PCDHGA4: variants seen among roughly 807,000 people sequenced by gnomAD.
The protein encoded by PCDHGA4 is protocadherin gamma subfamily A, 4.
PCDHGA4 carries 38 observed loss-of-function variants against 54.6 expected under a neutral mutation model. That is an observed-to-expected ratio of 0.70 (90% CI 0.54 to 0.91). The LOEUF is 0.91. Among genes scored for constraint, PCDHGA4 ranks in the 40% least tolerant of loss-of-function variants. The pLI is 0.00. For synonymous variants in PCDHGA4, 511 were observed against 512.9 expected, an observed-to-expected ratio of 1.00 and a Z score of 0.05; for missense variants, 1,298 against 1,220.9, an observed-to-expected ratio of 1.06 and a Z score of -0.94.
In PCDHGA4 at chr5:141,388,623, T is replaced by C. The variant is rs767536532; in HGVS notation, c.2514+31002T>C. On this transcript the variant is annotated intron_variant, in intron 1 of 3. Transcript: ENST00000571252. Reference sequence around the variant, plus strand: ...TGCTCCAGTGTTCAGTCAAGACGTATACAGGGTGAGCCTTTCAGAAAACGT... The same window carrying C: ...TGCTCCAGTGTTCAGTCAAGACGTACACAGGGTGAGCCTTTCAGAAAACGT... 3.6e-5 allele frequency: 58 copies of C among 1,613,846 alleles called. No individual in the cohort carries two copies. The highest frequency in any genetic ancestry group is 4.8e-5 in the Non-Finnish European group (57 of 1,179,886).
chr5:141,418,767 C>T (rs770275597), intron 1 of PCDHGA4: 1 of 1,613,850 alleles, frequency 6.2e-7, no homozygotes, highest in Non-Finnish European at 8.5e-7. Flanking sequence ...AACATTCTAA[C>T]TCAGCAGCCT....
intron 1 of PCDHGA4, chr5:141,418,820 G>A: frequency 6.2e-7 from 1 of 1,613,918 alleles, no homozygotes. Flanking sequence ...AAACATAGAA[G>A]CAAAAGACCG....
At chr5:141,501,127 T>C (rs2099805755) in intron 2 of PCDHGA4, among the ~76,000 whole-genome samples, 5 of 152,024 alleles carry the variant, frequency 3.3e-5, no homozygotes, top group Non-Finnish European at 7.4e-5. Context: ...TCAGCCTCCC[T>C]AAGTGCTGGG....
At chr5:141,374,204 A>G in intron 1 of PCDHGA4, 1 of 1,613,902 alleles carries the variant, frequency 6.2e-7, no homozygotes. Flanking sequence ...GGAGCTGGAG[A>G]AAGGCTCCTT....
chr5:141,422,703 G>A (rs1473348513), intron 1 of PCDHGA4: 1 of 1,603,132 alleles, frequency 6.2e-7, no homozygotes, highest in Admixed American at 1.7e-5. Context: ...CTTACTCTCT[G>A]ACGGATGACA....
chr5:141,453,204 C>T (rs1345502837), intron 1 of PCDHGA4, among the ~76,000 whole-genome samples: 1 of 152,260 alleles, frequency 6.6e-6, no homozygotes, highest in East Asian at 1.9e-4. Flanking sequence ...GCCTCAACCT[C>T]GTGCACTTAA....
chr5:141,382,567 T>G (rs1778294618), intron 1 of PCDHGA4, among the ~76,000 whole-genome samples: 1 of 152,132 alleles, frequency 6.6e-6, no homozygotes, highest in African/African-American at 2.4e-5. Context: ...AGCAAAGAAA[T>G]CTAACAGGGA....
rs2154584583 is a variant in PCDHGA4, at chr5:141,490,717, A to G, written c.2515-4090A>G. The G allele has an allele frequency of 6.2e-7, 1 of 1,613,972 alleles. No individual in the cohort carries two copies. Among genetic ancestry groups the G allele is most frequent in the Non-Finnish European group, 8.5e-7 (1 of 1,179,936 alleles). On this transcript the variant is annotated intron_variant, in intron 1 of 3. Coordinates refer to ENST00000571252, the MANE Select transcript of PCDHGA4 (RefSeq NM_018917.4). The surrounding 1 kb of genome is among the most constrained non-coding windows in gnomAD (Gnocchi z 5.4). ...GGATAATGCCCGCCTCACCTACTCC[A>G]TTGTAGGAAATCAGGTTCAGGGAGC...
At chr5:141,453,014 G>A (rs2098753820) in intron 1 of PCDHGA4, among the ~76,000 whole-genome samples, 1 of 152,206 alleles carries the variant, frequency 6.6e-6, no homozygotes, top group Non-Finnish European at 1.5e-5. Flanking sequence ...GTATAGTTAT[G>A]TGATTCATTA....
chr5:141,423,141 G>T (rs2096714253), intron 1 of PCDHGA4: 6 of 1,613,580 alleles, frequency 3.7e-6, no homozygotes, highest in East Asian at 2.2e-5. Context: ...ACAGAGACGC[G>T]CTCAAGCAGA....
chr5:141,432,209 A>C lies in PCDHGA4; in HGVS notation c.2515-62598A>C, dbSNP rs1473794319. ...CGCCCACGACCCCGACTGTGAAGAGAACGCCCAGATCACTTATTCCCTGGC... is the reference window on the plus strand; with the variant it reads ...CGCCCACGACCCCGACTGTGAAGAGCACGCCCAGATCACTTATTCCCTGGC... On this transcript the variant is annotated intron_variant, in intron 1 of 3. Transcript: ENST00000571252. This position sits in a 1 kb window ranked among gnomAD's most constrained non-coding sequence, Gnocchi z 6.0. 2 of 1,614,098 alleles carry C rather than the reference A, an allele frequency of 1.2e-6. No homozygotes were observed. Among genetic ancestry groups the C allele is most frequent in the Non-Finnish European group, 8.5e-7 (1 of 1,180,032 alleles).
chr5:141,359,937 C>T, intron 1 of PCDHGA4: 1 of 475,954 alleles, frequency 2.1e-6, no homozygotes, highest in Non-Finnish European at 3.5e-6. Context: ...CTCTGAGCGT[C>T]GCTGTTGGTC....
chr5:141,366,393 A>T, intron 1 of PCDHGA4: 3 of 1,614,122 alleles, frequency 1.9e-6, no homozygotes, highest in Non-Finnish European at 8.5e-7. Flanking sequence ...GAGGATCTGG[A>T]CCTCACACTC....
At chr5:141,449,588 CAAAAAAA>C (rs768743917) in intron 1 of PCDHGA4, among the ~76,000 whole-genome samples, 5 of 57,506 alleles carry the variant, frequency 8.7e-5, no homozygotes, top group Admixed American at 3.6e-4. Flanking sequence ...GACTCTGTCT[CAAAAAAA>C]AAAAAAAAAA....
chr5:141,415,649 A>C, intron 1 of PCDHGA4: 1 of 1,597,710 alleles, frequency 6.3e-7, no homozygotes, highest in Non-Finnish European at 8.5e-7. Context: ...GTTAAAAAAA[A>C]AAAGATTGGT....
Position 141,487,252 on chromosome 5 carries a change from G to T in PCDHGA4, c.2515-7555G>T. ...GAGAATCTCGTCTAACCCTCTACTT[G>T]GCTGTGTCCCTAGTGGCAATTTGCT... On this transcript the variant is annotated intron_variant, in intron 1 of 3. Transcript: ENST00000571252. The surrounding 1 kb of genome is among the most constrained non-coding windows in gnomAD (Gnocchi z 5.0). 1 of 1,614,110 alleles carries T rather than the reference G, an allele frequency of 6.2e-7. No homozygotes were observed. The highest frequency in any genetic ancestry group is 8.5e-7 in the Non-Finnish European group (1 of 1,180,014).
intron 1 of PCDHGA4, chr5:141,364,834 G>T: frequency 6.2e-7 from 1 of 1,613,982 alleles, no homozygotes. Context: ...ACTCTCTCCG[G>T]AGTTACCAGC....
chr5:141,365,211 T>G, intron 1 of PCDHGA4: 1 of 1,613,934 alleles, frequency 6.2e-7, no homozygotes, highest in Middle Eastern at 1.6e-4. Context: ...ACTTTCCAAC[T>G]TGATTCCAAC....
At chr5:141,436,676 G>T (rs1019010328) in intron 1 of PCDHGA4, among the ~76,000 whole-genome samples, 1 of 152,238 alleles carries the variant, frequency 6.6e-6, no homozygotes, top group African/African-American at 2.4e-5. Flanking sequence ...ACCAAAAAAA[G>T]GATTTATATT....
Sources: gnomAD v4.1 joint callset for allele counts (sites outside exome capture counted in the v4.1 genomes callset) on GRCh38, gnomAD v4.1.1 for gene constraint, Gnocchi (gnomAD v3.1) non-coding constraint, MANE v1.5 for transcripts, NCBI Gene and HGNC (gene_info 2026-07-23, HGNC 2026-07-21) for gene names.